CORIN: variants seen among roughly 807,000 people sequenced by gnomAD.
CORIN encodes the protein corin, serine peptidase.
CORIN carries 117 observed loss-of-function variants against 125.3 expected under a neutral mutation model. The observed-to-expected ratio is 0.93, with a 90% CI of 0.80 to 1.09. The LOEUF is 1.09. Ranked by LOEUF, CORIN falls within the 50% of genes least tolerant of loss-of-function variation. The probability of loss-of-function intolerance (pLI) is 0.00; values close to 1 mark genes in which losing one functional copy is unlikely to be tolerated. For synonymous variants in CORIN, 450 were observed against 466.4 expected (o/e 0.96, Z 0.45); for missense variants, 1,253 against 1,306.7 (o/e 0.96, Z 0.63).
intron 3 of CORIN, among the ~76,000 whole-genome samples, chr4:47,775,039 T>G (rs535028423): frequency 6.6e-6 from 1 of 152,192 alleles, no homozygotes; most frequent in African/African-American, 2.4e-5. Flanking sequence ...GTGTAATGTA[T>G]ACTCAAAACT....
At chr4:47,628,437 CGTGTGTGT>C (rs35452886) in intron 16 of CORIN, among the ~76,000 whole-genome samples, 61 of 147,476 alleles carry the variant, frequency 4.1e-4, no homozygotes, top group African/African-American at 1.3e-3. Flanking sequence ...CACATAGTTA[CGTGTGTGT>C]GTGTGTGTGT....
chr4:47,711,033 G>A (rs952142380), intron 5 of CORIN, among the ~76,000 whole-genome samples: 1 of 152,188 alleles, frequency 6.6e-6, no homozygotes, highest in Non-Finnish European at 1.5e-5. Flanking sequence ...CCTGCCCTCA[G>A]ACTTTGAAGA....
At chr4:47,735,612 G>A (rs1214274596) in intron 5 of CORIN, among the ~76,000 whole-genome samples, 1 of 152,048 alleles carries the variant, frequency 6.6e-6, no homozygotes, top group East Asian at 1.9e-4. Flanking sequence ...TGGCATTTTA[G>A]TTTGTTATTA....
chr4:47,770,251 A>G (rs1298374288), intron 3 of CORIN, among the ~76,000 whole-genome samples: 2 of 152,226 alleles, frequency 1.3e-5, no homozygotes, highest in Non-Finnish European at 2.9e-5. Context: ...GTATATGAAA[A>G]AAAGTTCAAC....
chr4:47,836,581 AGGAG>A (rs1163130429), intron 1 of CORIN, among the ~76,000 whole-genome samples: 1 of 152,232 alleles, frequency 6.6e-6, no homozygotes, highest in African/African-American at 2.4e-5. Context: ...AGTCTTGTAC[AGGAG>A]TCCGTCTTCG....
intron 11 of CORIN, among the ~76,000 whole-genome samples, chr4:47,662,187 T>C (rs1165560195): frequency 1.3e-5 from 2 of 152,188 alleles, no homozygotes. Flanking sequence ...CTCCAACCTT[T>C]TGTTCCAAAC....
At chr4:47,655,566 T>A (rs189789677) in intron 12 of CORIN, among the ~76,000 whole-genome samples, 3 of 152,168 alleles carry the variant, frequency 2.0e-5, no homozygotes, top group East Asian at 3.9e-4. Context: ...GTGGTAGTGA[T>A]CATGAGGAAA....
intron 6 of CORIN, 45 bp downstream of exon 6, chr4:47,692,925 G>T: frequency 7.2e-7 from 1 of 1,392,058 alleles, no homozygotes; most frequent in Non-Finnish European, 1.0e-6. Flanking sequence ...CAGGATTTGA[G>T]AATCCCTGTC....
At chr4:47,693,107 A>G (rs1170747662) in intron 5 of CORIN, 24 bp from the exon 6 acceptor site, 1 of 1,450,246 alleles carries the variant, frequency 6.9e-7, no homozygotes. Context: ...GCAGGAAATA[A>G]TGTCAGAATA....
chr4:47,744,304 AT>A (rs1202518448), intron 5 of CORIN, 97 bp downstream of exon 5: 73 of 1,153,348 alleles, frequency 6.3e-5, no homozygotes, highest in Non-Finnish European at 7.3e-6. Flanking sequence ...CTTGGTTAAA[AT>A]TTATCAGACT....
chr4:47,728,770 A>G (rs1727717605), intron 5 of CORIN, among the ~76,000 whole-genome samples: 1 of 152,192 alleles, frequency 6.6e-6, no homozygotes, highest in South Asian at 2.1e-4. Context: ...CAAAATGAAG[A>G]TGGTCTTGGT....
intron 4 of CORIN, 58 bp downstream of exon 4, chr4:47,763,321 C>A: frequency 7.1e-7 from 1 of 1,403,378 alleles, no homozygotes. Flanking sequence ...TTTTTTTCTC[C>A]TAGGACACTT....
chr4:47,831,023 T>A (rs1732965925), intron 1 of CORIN, among the ~76,000 whole-genome samples: 1 of 152,194 alleles, frequency 6.6e-6, no homozygotes, highest in Non-Finnish European at 1.5e-5. Flanking sequence ...GCAACTCGCC[T>A]CTATATTTTC....
chr4:47,798,487 A>G (rs1298020918), intron 2 of CORIN, among the ~76,000 whole-genome samples: 2 of 152,178 alleles, frequency 1.3e-5, no homozygotes, highest in East Asian at 3.8e-4. Flanking sequence ...TTATAAACTC[A>G]AACCAAACAG....
At chr4:47,671,826 T>G (rs1205780163) in intron 10 of CORIN, among the ~76,000 whole-genome samples, 1 of 152,014 alleles carries the variant, frequency 6.6e-6, no homozygotes, top group African/African-American at 2.4e-5. Context: ...CCTGACCTCA[T>G]GATCCACCCG....
intron 20 of CORIN, among the ~76,000 whole-genome samples, chr4:47,601,001 C>A (rs1423124086): frequency 6.6e-6 from 1 of 152,216 alleles, no homozygotes; most frequent in Non-Finnish European, 1.5e-5. Flanking sequence ...CAGCATGAAT[C>A]TTTCACTGTT....
At chr4:47,796,934 C>T (rs891065073) in intron 2 of CORIN, among the ~76,000 whole-genome samples, 1 of 152,024 alleles carries the variant, frequency 6.6e-6, no homozygotes, top group Admixed American at 6.6e-5. Flanking sequence ...CACCTTGTCT[C>T]TTCCCACATA....
At chr4:47,737,016 T>C (rs1577876772) in intron 5 of CORIN, among the ~76,000 whole-genome samples, 1 of 152,162 alleles carries the variant, frequency 6.6e-6, no homozygotes, top group African/African-American at 2.4e-5. Context: ...GCAGAAAACT[T>C]CAGAAAAGTA....
chr4:47,772,946 T>C (rs1468833606), intron 3 of CORIN, among the ~76,000 whole-genome samples: 1 of 152,180 alleles, frequency 6.6e-6, no homozygotes, highest in African/African-American at 2.4e-5. Flanking sequence ...TATTCATTTA[T>C]ATAGGAACAA....
Sources: allele counts gnomAD v4.1 joint callset (sites outside exome capture counted in the v4.1 genomes callset), GRCh38; gene constraint gnomAD v4.1.1; transcripts MANE v1.5; gene names NCBI Gene and HGNC (gene_info 2026-07-23, HGNC 2026-07-21).